Variants in PTPN4 observed in about 807,000 individuals in gnomAD.
The protein encoded by PTPN4 is protein tyrosine phosphatase non-receptor type 4.
A neutral mutation model predicts 135.5 loss-of-function variants in PTPN4; 49 were observed. The observed-to-expected ratio is 0.36, with a 90% CI of 0.29 to 0.46. PTPN4 has a LOEUF of 0.46. Among genes scored for constraint, PTPN4 ranks in the 20% least tolerant of loss-of-function variants. The pLI, the probability that PTPN4 is intolerant of heterozygous loss-of-function variation, is 1.00. For missense variants in PTPN4, 860 were observed against 1,101.0 expected (o/e 0.78, Z 3.10); for synonymous variants, 333 against 369.9 (o/e 0.90, Z 1.14).
At chr2:119,865,727 G>A (rs531142008) in intron 3 of PTPN4, among the ~76,000 whole-genome samples, 1 of 151,950 alleles carries the variant, frequency 6.6e-6, no homozygotes, top group African/African-American at 2.4e-5. Context: ...TAAAACTTAT[G>A]TATGTTACAT....
At chr2:119,967,398 G>T (rs1558777604) in intron 25 of PTPN4, among the ~76,000 whole-genome samples, 1 of 151,900 alleles carries the variant, frequency 6.6e-6, no homozygotes, top group Non-Finnish European at 1.5e-5. Flanking sequence ...GCAGTGAGCC[G>T]AGATCGCACC....
rs1679675232 is a variant in PTPN4 at position 119,980,441 on chromosome 2, T to A, written c.*3371T>A. 1 of 151,998 alleles carries A rather than the reference T, an allele frequency of 6.6e-6. No homozygotes were observed. Among genetic ancestry groups the A allele is most frequent in the Non-Finnish European group, 1.5e-5 (1 of 67,920 alleles). 9.4% of individuals were successfully genotyped at this position (151,998 alleles called of 1,614,324 possible). Reference sequence around the variant, plus strand: ...TGAGAGCTGAAAGGAACTTGAAAAATGTTATCCAGTCTTCACTTAGCCCAT... The same window carrying A: ...TGAGAGCTGAAAGGAACTTGAAAAAAGTTATCCAGTCTTCACTTAGCCCAT... On this transcript the variant is annotated 3_prime_UTR_variant, in exon 27 of 27. Transcript: ENST00000263708.
chr2:119,767,649 C>T (rs1690652542), intron 1 of PTPN4, among the ~76,000 whole-genome samples: 1 of 152,198 alleles, frequency 6.6e-6, no homozygotes, highest in African/African-American at 2.4e-5. Flanking sequence ...CCTTTATGAC[C>T]TTGACAGTTT....
In PTPN4 at chr2:119,885,541, A is replaced by G. The variant is rs190203158; in HGVS notation, c.588-254A>G. Among the ~76,000 whole-genome samples, 225 of 152,338 alleles carry G rather than the reference A, an allele frequency of 1.5e-3. 1 individual carries two copies. Among genetic ancestry groups the G allele is most frequent in the Non-Finnish European group, 2.4e-3 (164 of 68,024 alleles). ...GTGAGGGGTTTTGTTACAGTCACCC[A>G]TATAAATAGTGAGGAGCTTTAAAAA... On this transcript the variant is annotated intron_variant, in intron 8 of 26. Coordinates refer to ENST00000263708, the MANE Select transcript of PTPN4 (RefSeq NM_002830.4).
intron 9 of PTPN4, among the ~76,000 whole-genome samples, chr2:119,898,176 G>C (rs898570898): frequency 6.6e-6 from 1 of 152,180 alleles, no homozygotes; most frequent in African/African-American, 2.4e-5. Context: ...CAATAATTAG[G>C]TCTTTCAGAT....
intron 10 of PTPN4, among the ~76,000 whole-genome samples, chr2:119,910,696 A>G (rs1470969455): frequency 6.6e-6 from 1 of 152,098 alleles, no homozygotes; most frequent in Non-Finnish European, 1.5e-5. Flanking sequence ...TGTTGGTTTT[A>G]TAATCATCTG....
At chr2:119,913,035 T>G (rs1246639848) in intron 10 of PTPN4, among the ~76,000 whole-genome samples, 2 of 152,188 alleles carry the variant, frequency 1.3e-5, no homozygotes, top group Non-Finnish European at 2.9e-5. Flanking sequence ...TTGAGGTTCA[T>G]CCGCATTGTA....
At chr2:119,888,266 T>TA (rs1678189055) in intron 9 of PTPN4, among the ~76,000 whole-genome samples, 1 of 152,180 alleles carries the variant, frequency 6.6e-6, no homozygotes, top group African/African-American at 2.4e-5. Flanking sequence ...AGGTTTTTTT[T>TA]AGATATAAGA....
intron 2 of PTPN4, among the ~76,000 whole-genome samples, chr2:119,823,224 T>G (rs894260944): frequency 6.6e-6 from 1 of 151,972 alleles, no homozygotes; most frequent in Non-Finnish European, 1.5e-5. Flanking sequence ...CTGGATATAC[T>G]TCATCTGTTT....
rs1408144825 is a variant in PTPN4, at chr2:119,760,078, T to A, written c.-324T>A. The stretch of plus-strand genomic sequence containing the variant: ...GGCTTTGGCCGCGGGGTCGGAGGAT[T>A]GGGGCCAGGCCCCCTCCCCCACGCA... On this transcript the variant is annotated 5_prime_UTR_variant, in exon 1 of 27. Coordinates refer to ENST00000263708, the MANE Select transcript of PTPN4 (RefSeq NM_002830.4). 1 of 384,630 alleles carries A rather than the reference T, an allele frequency of 2.6e-6. No homozygotes were observed. The highest frequency in any genetic ancestry group is 4.6e-6 in the Non-Finnish European group (1 of 217,664). The allele number at this position is 384,630 out of a possible 1,614,324, so 23.8% of individuals were successfully genotyped here.
Position 119,981,900 on chromosome 2 carries a change from T to C in PTPN4, c.*4830T>C. The C allele has an allele frequency of 6.6e-6, 1 of 152,192 alleles. No homozygotes were observed. The highest frequency in any genetic ancestry group is 1.5e-5 in the Non-Finnish European group (1 of 68,010). The allele number at this position is 152,192 out of a possible 1,614,324, so 9.4% of individuals were successfully genotyped here. ...TATGTTTTTCTACTGTAGTATGCTA[T>C]TGATTTCTGAAGTTATAATCATAAT... On this transcript the variant is annotated 3_prime_UTR_variant, in exon 27 of 27. Coordinates refer to ENST00000263708, the MANE Select transcript of PTPN4 (RefSeq NM_002830.4).
At chr2:119,844,437 A>C (rs1360948600) in intron 2 of PTPN4, among the ~76,000 whole-genome samples, 1 of 121,544 alleles carries the variant, frequency 8.2e-6, no homozygotes. Context: ...CTGGGCGGAG[A>C]GGCTCCTCAC....
chr2:119,902,714 T>C (rs1461503836), intron 10 of PTPN4, among the ~76,000 whole-genome samples: 1 of 152,212 alleles, frequency 6.6e-6, no homozygotes, highest in African/African-American at 2.4e-5. Flanking sequence ...CCAGGAGGAA[T>C]TGCCCATTGC....
chr2:119,886,010 C>T (rs1163162150), intron 9 of PTPN4, 128 bp downstream of exon 9: 4 of 598,658 alleles, frequency 6.7e-6, no homozygotes, highest in East Asian at 6.0e-5. Flanking sequence ...TGAAAATTTC[C>T]TCTGAATTTA....
At chr2:119,798,724 A>G (rs1691307673) in intron 1 of PTPN4, among the ~76,000 whole-genome samples, 1 of 152,222 alleles carries the variant, frequency 6.6e-6, no homozygotes, top group Admixed American at 6.5e-5. Flanking sequence ...TGATTAGACA[A>G]TTCACTTAAG....
intron 13 of PTPN4, among the ~76,000 whole-genome samples, chr2:119,928,840 A>G (rs1217955187): frequency 2.0e-5 from 3 of 152,098 alleles, no homozygotes; most frequent in Non-Finnish European, 4.4e-5. Flanking sequence ...ATATCCTCAT[A>G]CGAGTACCAG....
intron 1 of PTPN4, among the ~76,000 whole-genome samples, chr2:119,802,005 A>T (rs189392898): frequency 6.9e-6 from 1 of 145,054 alleles, no homozygotes; most frequent in East Asian, 2.1e-4. Flanking sequence ...GGTTCAAGCG[A>T]TTCTCCTTCC....
intron 2 of PTPN4, among the ~76,000 whole-genome samples, chr2:119,824,078 C>T (rs933727516): frequency 1.3e-5 from 2 of 152,128 alleles, no homozygotes; most frequent in African/African-American, 2.4e-5. Context: ...ATATGTATGT[C>T]GTTTAGTTTT....
intron 26 of PTPN4, among the ~76,000 whole-genome samples, chr2:119,973,655 G>GTTTTTTTTTTTTTTGTTTTTTTTTTTTT (rs1679569180): frequency 5.2e-5 from 2 of 38,394 alleles, no homozygotes; most frequent in African/African-American, 2.5e-4. Flanking sequence ...TTCATTTCTT[G>GTTTTTTTTTTTTTTGTTTTTTTTTTTTT]TTTTTTTTTT....
Sources: allele counts gnomAD v4.1 joint callset (sites outside exome capture counted in the v4.1 genomes callset), GRCh38; gene constraint gnomAD v4.1.1; transcripts MANE v1.5; gene names NCBI Gene and HGNC (gene_info 2026-07-23, HGNC 2026-07-21).